CPED1: variants seen among roughly 807,000 people sequenced by gnomAD.
CPED1 encodes cadherin like and PC-esterase domain containing 1.
In CPED1, 114 loss-of-function variants were observed where a neutral mutation model predicts 128.2. The observed-to-expected ratio is 0.89, with a 90% CI of 0.76 to 1.04. CPED1 has a LOEUF of 1.04. Among genes scored for constraint, CPED1 ranks in the 50% least tolerant of loss-of-function variants. The pLI is 0.00. For missense variants in CPED1, 1,211 were observed against 1,207.1 expected, an observed-to-expected ratio of 1.00 and a Z score of -0.05; for synonymous variants, 462 against 426.7, an observed-to-expected ratio of 1.08 and a Z score of -1.02.
Position 121,266,228 on chromosome 7 carries a change from T to G in CPED1, c.2312T>G (p.Ile771Ser). ...AAATGCTTTCTCTTTAACTTATAGA[T>G]TCTGTTCATTGGAGATTCAACCAAC... ...QLQQCLGGRK[I>S]LFIGDSTNRG... is the part of the protein sequence containing the mutation. Residue 771 changes from isoleucine (I) to serine (S), a missense_variant and splice_region_variant, in exon 19 of 23, where the codon ATT (isoleucine) becomes AGT (serine). Coordinates refer to ENST00000310396, the MANE Select transcript of CPED1 (RefSeq NM_024913.5). 1 of 1,603,910 alleles carries G rather than the reference T, an allele frequency of 6.2e-7. No individual in the cohort carries two copies.
intron 16 of CPED1, among the ~76,000 whole-genome samples, chr7:121,181,957 T>TACCTGG (rs2116500026): frequency 6.6e-6 from 1 of 152,206 alleles, no homozygotes; most frequent in African/African-American, 2.4e-5. Context: ...AGGAAACTAG[T>TACCTGG]ACCTGGAAAT....
At chr7:121,077,114 A>G (rs1323341356) in intron 5 of CPED1, among the ~76,000 whole-genome samples, 1 of 152,148 alleles carries the variant, frequency 6.6e-6, no homozygotes, top group East Asian at 1.9e-4. Flanking sequence ...CAGTCTGAAA[A>G]TAATGACTCC....
intron 4 of CPED1, among the ~76,000 whole-genome samples, chr7:121,054,881 C>T (rs58166807): frequency 6.6e-6 from 1 of 152,062 alleles, no homozygotes; most frequent in African/African-American, 2.4e-5. Context: ...TTTTCTGTCC[C>T]TATTGTTTTT....
chr7:121,145,998 A>G (rs1796017372), intron 16 of CPED1, among the ~76,000 whole-genome samples: 1 of 152,156 alleles, frequency 6.6e-6, no homozygotes, highest in African/African-American at 2.4e-5. Flanking sequence ...CTACATTTCA[A>G]ATTAGATTTT....
At chr7:121,018,176 T>G (rs1477956686) in intron 3 of CPED1, among the ~76,000 whole-genome samples, 1 of 152,152 alleles carries the variant, frequency 6.6e-6, no homozygotes, top group Admixed American at 6.6e-5. Context: ...AATCTAACAT[T>G]TCCTTGATGA....
At chr7:121,115,277 G>T (rs374528995) in intron 7 of CPED1, among the ~76,000 whole-genome samples, 1 of 152,154 alleles carries the variant, frequency 6.6e-6, no homozygotes, top group Non-Finnish European at 1.5e-5. Context: ...CCATGTAAAA[G>T]AATGAAATAT....
At chr7:121,239,910 C>A (rs1798347759) in intron 17 of CPED1, among the ~76,000 whole-genome samples, 1 of 152,144 alleles carries the variant, frequency 6.6e-6, no homozygotes, top group Non-Finnish European at 1.5e-5. Flanking sequence ...AGCTTTGATT[C>A]ATTCAGTGTT....
rs922960852 is a variant in CPED1 at position 121,052,688 on chromosome 7, G to A, written c.540+5695G>A. Among the ~76,000 whole-genome samples, 7 of 152,050 alleles carry A rather than the reference G, an allele frequency of 4.6e-5. No homozygotes were observed. The East Asian group carries it at 5.8e-4, about 13-fold the overall frequency. On this transcript the variant is annotated intron_variant, in intron 4 of 22. Coordinates refer to ENST00000310396, the MANE Select transcript of CPED1 (RefSeq NM_024913.5). ...AGAGAAGGAAATTATAAAGTACAGC[G>A]TCAGTTATGCTGATATTCTCTTTTA...
chr7:121,297,375 G>A lies in CPED1; in HGVS notation c.*1723G>A, dbSNP rs552829700. ...AGGTTACTCTGGTATTTATCTCTTC[G>A]CTGCTGAAATAATAATGGATTTTAG... is the stretch of plus-strand genomic sequence containing the variant. On this transcript the variant is annotated 3_prime_UTR_variant, in exon 23 of 23. Coordinates refer to ENST00000310396, the MANE Select transcript of CPED1 (RefSeq NM_024913.5). 2 of 151,928 alleles carry A rather than the reference G, an allele frequency of 1.3e-5. No homozygotes were observed. The highest frequency in any genetic ancestry group is 2.4e-5 in the African/African-American group (1 of 41,452). 9.4% of individuals were successfully genotyped at this position (151,928 alleles called of 1,614,324 possible).
chr7:121,055,647 G>GT (rs945376122), intron 4 of CPED1, among the ~76,000 whole-genome samples: 3 of 150,838 alleles, frequency 2.0e-5, no homozygotes, highest in Non-Finnish European at 4.4e-5. Context: ...ATATAGTTCA[G>GT]TTTTTTTCTG....
chr7:121,049,051 A>G (rs535446023), intron 4 of CPED1, among the ~76,000 whole-genome samples: 1 of 152,338 alleles, frequency 6.6e-6, no homozygotes, highest in African/African-American at 2.4e-5. Flanking sequence ...CTATGCTTAC[A>G]ATCTTGAATG....
chr7:121,269,847 G>C (rs931334012), intron 21 of CPED1, among the ~76,000 whole-genome samples: 1 of 152,014 alleles, frequency 6.6e-6, no homozygotes, highest in African/African-American at 2.4e-5. Flanking sequence ...AAATTATAAA[G>C]AAAAGGGGTA....
chr7:120,998,446 A>G (rs1796447167), intron 2 of CPED1, among the ~76,000 whole-genome samples: 1 of 152,184 alleles, frequency 6.6e-6, no homozygotes, highest in Admixed American at 6.5e-5. Flanking sequence ...CTTAAATGAG[A>G]TAAATCACAT....
intron 16 of CPED1, among the ~76,000 whole-genome samples, chr7:121,158,051 A>G (rs557187516): frequency 4.5e-4 from 69 of 152,320 alleles, no homozygotes; most frequent in African/African-American, 1.5e-3. Flanking sequence ...ATAATTCATT[A>G]CTTTAATAAC....
intron 16 of CPED1, among the ~76,000 whole-genome samples, chr7:121,165,279 T>C (rs1796498446): frequency 6.6e-6 from 1 of 152,134 alleles, no homozygotes; most frequent in African/African-American, 2.4e-5. Flanking sequence ...CCAGTAAGTG[T>C]TTTTTCTTGT....
At chr7:121,104,510 T>C (rs1334468627) in intron 7 of CPED1, among the ~76,000 whole-genome samples, 1 of 152,190 alleles carries the variant, frequency 6.6e-6, no homozygotes, top group Admixed American at 6.6e-5. Flanking sequence ...GTCTGAAGAT[T>C]CTTTGTACTT....
At chr7:121,059,123 C>T (rs12706310) in intron 4 of CPED1, among the ~76,000 whole-genome samples, 99,942 of 152,018 alleles carry the variant, frequency 0.66, 35,585 homozygotes, top group Admixed American at 0.81. Context: ...GGGGCTGTAT[C>T]TCACCGCAAG....
At chr7:121,248,257 C>T (rs1260673118) in intron 18 of CPED1, among the ~76,000 whole-genome samples, 1 of 152,186 alleles carries the variant, frequency 6.6e-6, no homozygotes, top group Non-Finnish European at 1.5e-5. Flanking sequence ...AGCCATGCCT[C>T]CCTCCACAGG....
chr7:121,149,628 A>T (rs1266736594), intron 16 of CPED1: 1 of 152,262 alleles, frequency 6.6e-6, no homozygotes, highest in Non-Finnish European at 1.5e-5. Flanking sequence ...TTCTGACAGC[A>T]TCCAGAGAAG....
Sources: allele counts gnomAD v4.1 joint callset (sites outside exome capture counted in the v4.1 genomes callset), GRCh38; gene constraint gnomAD v4.1.1; transcripts MANE v1.5; gene names NCBI Gene and HGNC (gene_info 2026-07-23, HGNC 2026-07-21).